The following RORA variants were observed in gnomAD, a reference collection of about 807,000 sequenced individuals.
RORA encodes nuclear receptor ROR-alpha.
In RORA, 7 loss-of-function variants were observed where a neutral mutation model predicts 69.5. The ratio of observed to expected loss-of-function variants is 0.10; its 90% CI spans 0.06 to 0.19. The LOEUF is 0.19. RORA is among the 10% of genes least tolerant of loss of function. The pLI is 1.00. For synonymous variants in RORA, 261 were observed against 240.8 expected, an observed-to-expected ratio of 1.08 and a Z score of -0.78; for missense variants, 457 against 663.0, an observed-to-expected ratio of 0.69 and a Z score of 3.41.
intron 2 of RORA, among the ~76,000 whole-genome samples, chr15:60,582,222 C>T (rs1424528057): frequency 6.6e-6 from 1 of 152,152 alleles, no homozygotes; most frequent in African/African-American, 2.4e-5. Flanking sequence ...GTAATTACCT[C>T]TTTCTGTCTT....
chr15:61,120,992 C>A (rs113757863), intron 1 of RORA, among the ~76,000 whole-genome samples: 1 of 151,606 alleles, frequency 6.6e-6, no homozygotes, highest in Admixed American at 6.6e-5. Context: ...GGATTACAGG[C>A]GCCTGCCACC....
At chr15:60,624,564 G>A (rs2069521170) in intron 2 of RORA, among the ~76,000 whole-genome samples, 1 of 138,416 alleles carries the variant, frequency 7.2e-6, no homozygotes, top group Non-Finnish European at 1.5e-5. Flanking sequence ...TATATTTGCT[G>A]CACATATATA....
At chr15:60,627,381 T>C (rs1361594233) in intron 2 of RORA, 6 of 1,614,130 alleles carry the variant, frequency 3.7e-6, no homozygotes, top group African/African-American at 1.3e-5. Context: ...TCATGCCTTT[T>C]CCTGGTTACC....
intron 1 of RORA, among the ~76,000 whole-genome samples, chr15:60,730,377 C>A (rs2071412839): frequency 6.6e-6 from 1 of 152,250 alleles, no homozygotes; most frequent in Non-Finnish European, 1.5e-5. Context: ...CTTAACCTTT[C>A]ATAGCCTGAT....
chr15:61,034,740 T>C (rs1896363395), intron 1 of RORA, among the ~76,000 whole-genome samples: 1 of 130,854 alleles, frequency 7.6e-6, no homozygotes, highest in South Asian at 2.4e-4. Context: ...TTCTTTTTAA[T>C]AGTGGGGGCT....
intron 4 of RORA, 129 bp downstream of exon 4, chr15:60,514,487 G>C (rs925108854): frequency 1.2e-6 from 1 of 835,110 alleles, no homozygotes; most frequent in Non-Finnish European, 1.9e-6. Context: ...AGGAGCATGG[G>C]GGGCGGGGCG....
chr15:60,916,009 T>C (rs1048771560), intron 1 of RORA, among the ~76,000 whole-genome samples: 1 of 152,214 alleles, frequency 6.6e-6, no homozygotes, highest in Non-Finnish European at 1.5e-5. Flanking sequence ...TTTCTTTCCC[T>C]GATTAACCCA....
chr15:61,066,786 C>T (rs2078266125), intron 1 of RORA, among the ~76,000 whole-genome samples: 1 of 141,404 alleles, frequency 7.1e-6, no homozygotes. Flanking sequence ...TTTTTGGAAC[C>T]AAGTAGGTAA....
At chr15:60,829,809 T>C (rs993071557) in intron 1 of RORA, among the ~76,000 whole-genome samples, 3 of 152,246 alleles carry the variant, frequency 2.0e-5, no homozygotes, top group Admixed American at 6.5e-5. Context: ...CATTTATTAA[T>C]GTCTTCAGTG....
chr15:61,116,163 G>A (rs782930), intron 1 of RORA, among the ~76,000 whole-genome samples: 68,713 of 151,936 alleles, frequency 0.45, 16,708 homozygotes, highest in East Asian at 0.64. Context: ...ACAGCAGGGA[G>A]ACTAGCTATG....
chr15:60,887,655 A>G (rs780173637), intron 1 of RORA, among the ~76,000 whole-genome samples: 22 of 152,232 alleles, frequency 1.4e-4, no homozygotes, highest in Non-Finnish European at 1.2e-4. Context: ...TTGGACGGGC[A>G]GAATGGAGGG....
At chr15:61,135,013 G>A (rs1424743343) in intron 1 of RORA, among the ~76,000 whole-genome samples, 1 of 151,932 alleles carries the variant, frequency 6.6e-6, no homozygotes, top group Non-Finnish European at 1.5e-5. Context: ...ACTGTCCTGA[G>A]AGATTTCAAG....
intron 1 of RORA, among the ~76,000 whole-genome samples, chr15:61,048,639 T>G (rs1422649482): frequency 6.6e-6 from 1 of 152,192 alleles, no homozygotes; most frequent in Non-Finnish European, 1.5e-5. Context: ...CTGTGTGCAG[T>G]TGTAGAAATG....
chr15:60,851,385 T>G (rs1246835085), intron 1 of RORA, among the ~76,000 whole-genome samples: 2 of 152,066 alleles, frequency 1.3e-5, no homozygotes, highest in East Asian at 3.9e-4. Context: ...TCTGACACAT[T>G]AGGGCCCCTG....
chr15:61,192,341 A>T (rs1309020292), intron 1 of RORA, among the ~76,000 whole-genome samples: 3 of 152,232 alleles, frequency 2.0e-5, no homozygotes, highest in African/African-American at 7.2e-5. Context: ...CCAGTTTCCT[A>T]ACCAGGCTAC....
intron 1 of RORA, among the ~76,000 whole-genome samples, chr15:61,118,978 A>C (rs1024531744): frequency 2.0e-5 from 3 of 152,026 alleles, no homozygotes; most frequent in Non-Finnish European, 2.9e-5. Flanking sequence ...AGGAAACAAA[A>C]AGAAAATAAA....
chr15:60,612,661 G>GTTT (rs71122864), intron 2 of RORA, among the ~76,000 whole-genome samples: 77 of 107,126 alleles, frequency 7.2e-4, no homozygotes, highest in South Asian at 2.6e-3. Flanking sequence ...CTCTCTCTCT[G>GTTT]TTTTTTTTTT....
intron 2 of RORA, among the ~76,000 whole-genome samples, chr15:60,562,006 C>T (rs908575119): frequency 7.9e-5 from 12 of 151,898 alleles, no homozygotes; most frequent in Non-Finnish European, 1.5e-4. Flanking sequence ...TACAGTGGCG[C>T]GATCTCGGAT....
At chr15:60,670,804 A>G (rs1479027186) in intron 2 of RORA, among the ~76,000 whole-genome samples, 3 of 152,152 alleles carry the variant, frequency 2.0e-5, no homozygotes, top group Admixed American at 1.3e-4. Flanking sequence ...CTACAAATGC[A>G]CTAACTTCCT....
Sources: gnomAD v4.1 joint callset for allele counts (sites outside exome capture counted in the v4.1 genomes callset) on GRCh38, gnomAD v4.1.1 for gene constraint, MANE v1.5 for transcripts, NCBI Gene and HGNC (gene_info 2026-07-23, HGNC 2026-07-21) for gene names.